The following CDH17 variants were observed in gnomAD, a reference collection of about 807,000 sequenced individuals.
The protein encoded by CDH17 is cadherin 17, also known as cadherin-17.
In CDH17, 67 loss-of-function variants were observed where a neutral mutation model predicts 86.3. That is an observed-to-expected ratio of 0.78 (90% CI 0.64 to 0.95). The LOEUF is 0.95. CDH17 is among the 40% of genes least tolerant of loss of function. The pLI is 0.00. For synonymous variants in CDH17, 367 were observed against 366.4 expected, an observed-to-expected ratio of 1.00 and a Z score of -0.02; for missense variants, 993 against 1,017.6, an observed-to-expected ratio of 0.98 and a Z score of 0.33.
In CDH17 at chr8:94,160,032, T is replaced by A. The variant is rs937012263; in HGVS notation, c.1490A>T (p.Glu497Val). Reference sequence around the variant, plus strand: ...ATCTGTGTCAACCCCCAGGCGTCCCTCACTGTCTCCCTTTATGATATGATA... The same window carrying A: ...ATCTGTGTCAACCCCCAGGCGTCCCACACTGTCTCCCTTTATGATATGATA... Reference protein sequence around the residue: ...ILYHIIKGDSEGRLGVDTDPH... With the variant: ...ILYHIIKGDSVGRLGVDTDPH... Residue 497 changes from glutamate to valine, a missense_variant, in exon 12 of 18, where the codon GAG becomes GTG. Coordinates refer to ENST00000027335, the MANE Select transcript of CDH17 (RefSeq NM_004063.4). 2 of 1,613,862 alleles carry A rather than the reference T, an allele frequency of 1.2e-6. No homozygotes were observed. Among genetic ancestry groups the A allele is most frequent in the Non-Finnish European group, 1.7e-6 (2 of 1,179,838 alleles).
chr8:94,171,767 G>T (rs1340836725), intron 7 of CDH17, among the ~76,000 whole-genome samples: 1 of 152,142 alleles, frequency 6.6e-6, no homozygotes, highest in Non-Finnish European at 1.5e-5. Flanking sequence ...AAAAATTTAA[G>T]CGACTTGCCC....
chr8:94,182,437 A>G (rs1418741938), intron 3 of CDH17, among the ~76,000 whole-genome samples: 1 of 152,172 alleles, frequency 6.6e-6, no homozygotes, highest in Non-Finnish European at 1.5e-5. Context: ...CCAAGTGGAA[A>G]TTATACCAGA....
chr8:94,210,784 G>A (rs369780865), upstream of CDH17, among the ~76,000 whole-genome samples: 5 of 152,120 alleles, frequency 3.3e-5, no homozygotes, highest in African/African-American at 1.2e-4. Flanking sequence ...ACTTTGGGAG[G>A]CTGAGGCAGG....
At position 94,135,335 on chromosome 8, in the gene CDH17, G is replaced by A. The variant is rs1812501853; in HGVS notation, c.2168-4343C>T. 2.0e-5 allele frequency among the ~76,000 whole-genome samples: 3 copies of A among 152,170 alleles called. No homozygotes were observed. The South Asian group carries it at 6.2e-4, about 32-fold the overall frequency. ...CTAAGGACTTGCTTTATGAATCTGG[G>A]TGCTCCTGTATTAGGTGCATATATA... On this transcript the variant is annotated intron_variant, in intron 15 of 17. Transcript: ENST00000027335.
At position 94,165,807 on chromosome 8, in the gene CDH17, C is replaced by T. The variant is rs781067364; in HGVS notation, c.1236G>A (p.Lys412=). 1.4e-5 allele frequency: 22 copies of T among 1,613,946 alleles called. No individual in the cohort carries two copies. The South Asian group carries it at 2.2e-4, about 16-fold the overall frequency. ...MLQLAKQSLK[K]QDTPQYNLTI... ...TTAAGTTGTACTGAGGAGTATCTTG[C>T]TTCTTCAAGGACTGTTTAGCTAACT... The change falls in exon 10 of 18, where the codon AAG becomes AAA. Residue 412 remains lysine (K), a synonymous_variant. Coordinates refer to ENST00000027335, the MANE Select transcript of CDH17 (RefSeq NM_004063.4).
chr8:94,171,004 G>C lies in CDH17; in HGVS notation c.784-19C>G, dbSNP rs775957235. 6 of 1,610,150 alleles carry C rather than the reference G, an allele frequency of 3.7e-6. No homozygotes were observed. The Admixed American group carries it at 8.4e-5, about 23-fold the overall frequency. ...ACCGCACCTACAGGGCCCAAAGTCA[G>C]TTGTGAGGAAAGCTGTATTTGGACT... On this transcript the variant is annotated intron_variant, in intron 7 of 17. Transcript: ENST00000027335.
rs1233401749 is a variant in CDH17, at chr8:94,162,120, A to C, written c.1325T>G (p.Ile442Ser). 1.9e-6 allele frequency: 3 copies of C among 1,607,764 alleles called. No individual in the cohort carries two copies. Among genetic ancestry groups the C allele is most frequent in the Admixed American group, 3.3e-5 (2 of 59,998 alleles). The change falls in exon 11 of 18, where the codon ATC (isoleucine) becomes AGC (serine). Residue 442 changes from isoleucine (I) to serine (S), a missense_variant. By Grantham distance (142) the Ile-to-Ser change is moderately radical. Coordinates refer to ENST00000027335, the MANE Select transcript of CDH17 (RefSeq NM_004063.4). ...TTCAAAGATGGGGATCTGATCATTG[A>C]TATCAATAACGTTGATTTGCACAAA... ...LCFVQINVIDINDQIPIFEKS... is the reference protein window; with the variant it reads ...LCFVQINVIDSNDQIPIFEKS...
At chr8:94,141,936 T>C (rs1288856085) in intron 15 of CDH17, among the ~76,000 whole-genome samples, 1 of 152,148 alleles carries the variant, frequency 6.6e-6, no homozygotes, top group Non-Finnish European at 1.5e-5. Context: ...GAAAAATTAA[T>C]CTACCTGATT....
intron 13 of CDH17, among the ~76,000 whole-genome samples, chr8:94,149,918 C>T (rs1034739628): frequency 6.6e-6 from 1 of 151,990 alleles, no homozygotes; most frequent in Non-Finnish European, 1.5e-5. Flanking sequence ...TATCTTTAGA[C>T]CAAATAATTT....
At position 94,160,083 on chromosome 8, in the gene CDH17, G is replaced by A. The variant is rs775618351; in HGVS notation, c.1439C>T (p.Pro480Leu). 33 of 1,613,850 alleles carry A rather than the reference G, an allele frequency of 2.0e-5. 1 individual carries two copies. Among genetic ancestry groups the A allele is most frequent in the South Asian group, 1.8e-4 (16 of 91,044 alleles). Residue 480 changes from proline (P) to leucine (L), a missense_variant, in exon 12 of 18, where the codon CCA (proline) becomes CTA (leucine). Transcript: ENST00000027335. ...CAGAATTTTAGAACTCCCAGTAAAT[G>A]GCTCATCAGCATCAGTGGCCTGGAT... Reference protein sequence around the residue: ...LTIQATDADEPFTGSSKILYH... With the variant: ...LTIQATDADELFTGSSKILYH...
chr8:94,130,748 C>T lies in CDH17; in HGVS notation c.2285-9G>A. ...ACAACTGCAGAATGTAACTGAAAAG[C>T]AGGACAGTATTTGGTAGGATAAATT... On this transcript the variant is annotated splice_polypyrimidine_tract_variant and intron_variant, in intron 16 of 17. Coordinates refer to ENST00000027335, the MANE Select transcript of CDH17 (RefSeq NM_004063.4). 1 of 1,606,222 alleles carries T rather than the reference C, an allele frequency of 6.2e-7. No individual in the cohort carries two copies. Among genetic ancestry groups the T allele is most frequent in the Admixed American group, 1.7e-5 (1 of 59,942 alleles).
At chr8:94,136,666 T>C (rs1175037020) in intron 15 of CDH17, among the ~76,000 whole-genome samples, 1 of 152,214 alleles carries the variant, frequency 6.6e-6, no homozygotes, top group African/African-American at 2.4e-5. Flanking sequence ...TCATTCTCCA[T>C]CCAGCTTTGT....
intron 15 of CDH17, among the ~76,000 whole-genome samples, chr8:94,134,605 C>A (rs1812485481): frequency 6.6e-6 from 1 of 151,900 alleles, no homozygotes; most frequent in Non-Finnish European, 1.5e-5. Flanking sequence ...TTCAAAAAAC[C>A]AGCTCCTGGA....
Position 94,165,902 on chromosome 8 carries a change from T to A in CDH17, c.1141A>T (p.Ile381Phe). Residue 381 changes from isoleucine (I) to phenylalanine (F), a missense_variant, in exon 10 of 18, where the codon ATT becomes TTT. Coordinates refer to ENST00000027335, the MANE Select transcript of CDH17 (RefSeq NM_004063.4). ...NTANSFLNYR[I>F]VEQTPKLPMD... ...GGAAGTTTGGGAGTTTGCTCCACAA[T>A]CCTGTAGTTTAGAAAACTGTTGGCA... The A allele has an allele frequency of 1.2e-6, 2 of 1,613,932 alleles. No individual in the cohort carries two copies. The highest frequency in any genetic ancestry group is 1.7e-6 in the Non-Finnish European group (2 of 1,179,876).
rs148405133 is a variant in CDH17, at chr8:94,192,287, G to A, written c.51+2348C>T. On this transcript the variant is annotated intron_variant, in intron 2 of 17. Coordinates refer to ENST00000027335, the MANE Select transcript of CDH17 (RefSeq NM_004063.4). Reference sequence around the variant, plus strand: ...CAGAAGTGGGAAAGATGGTATGGTGGAAATCTGTGAAAGGACAAGATGGCG... The same window carrying A: ...CAGAAGTGGGAAAGATGGTATGGTGAAAATCTGTGAAAGGACAAGATGGCG... Among the ~76,000 whole-genome samples the A allele has an allele frequency of 1.8e-4, 28 of 152,338 alleles. No individual in the cohort carries two copies. In the East Asian group the frequency reaches 5.2e-3, roughly 28 times the overall value.
chr8:94,156,526 G>C (rs1178343203), intron 12 of CDH17, among the ~76,000 whole-genome samples: 1 of 152,204 alleles, frequency 6.6e-6, no homozygotes, highest in Non-Finnish European at 1.5e-5. Context: ...AAGCACACGA[G>C]AGGCTGGAGC....
intron 15 of CDH17, among the ~76,000 whole-genome samples, chr8:94,135,781 G>C (rs552938563): frequency 2.6e-5 from 4 of 152,324 alleles, no homozygotes; most frequent in African/African-American, 9.6e-5. Flanking sequence ...TGTTTTTGCA[G>C]TGGCTGGTAC....
intron 1 of CDH17, among the ~76,000 whole-genome samples, chr8:94,204,104 T>C (rs576336515): frequency 2.0e-5 from 3 of 152,334 alleles, no homozygotes; most frequent in African/African-American, 7.2e-5. Context: ...AGCATAATTA[T>C]TCTTTTTTTA....
At chr8:94,164,543 G>A (rs567776083) in intron 10 of CDH17, among the ~76,000 whole-genome samples, 6 of 152,238 alleles carry the variant, frequency 3.9e-5, no homozygotes, top group African/African-American at 1.2e-4. Flanking sequence ...ACAAATATTA[G>A]GGCCTTAATA....
Sources: allele counts gnomAD v4.1 joint callset (sites outside exome capture counted in the v4.1 genomes callset), GRCh38; gene constraint gnomAD v4.1.1; transcripts MANE v1.5; gene names NCBI Gene and HGNC (gene_info 2026-07-23, HGNC 2026-07-21).